Variants in APBB2 observed in about 807,000 individuals in gnomAD.
APBB2 encodes Fe65-like 1.
APBB2 carries 38 observed loss-of-function variants against 82.5 expected under a neutral mutation model. The observed-to-expected ratio is 0.46, with a 90% CI of 0.36 to 0.60. The LOEUF is 0.60. Ranked by LOEUF, APBB2 falls within the 20% of genes least tolerant of loss-of-function variation. The probability of loss-of-function intolerance (pLI) is 0.00; values close to 1 mark genes in which losing one functional copy is unlikely to be tolerated. For missense variants in APBB2, 772 were observed against 972.3 expected (o/e 0.79, Z 2.74); for synonymous variants, 341 against 368.2 (o/e 0.93, Z 0.85).
At chr4:41,030,467 A>C (rs1221474721) in intron 5 of APBB2, among the ~76,000 whole-genome samples, 1 of 152,156 alleles carries the variant, frequency 6.6e-6, no homozygotes, top group Non-Finnish European at 1.5e-5. Flanking sequence ...CACAGTCATC[A>C]TGCACTACAG....
chr4:40,944,275 C>T (rs1257697275), intron 7 of APBB2, among the ~76,000 whole-genome samples: 1 of 152,090 alleles, frequency 6.6e-6, no homozygotes, highest in Non-Finnish European at 1.5e-5. Flanking sequence ...TTTTTAATGC[C>T]TCAATTCTTT....
At chr4:41,005,060 T>C (rs1403303776) in intron 6 of APBB2, among the ~76,000 whole-genome samples, 2 of 152,136 alleles carry the variant, frequency 1.3e-5, no homozygotes, top group African/African-American at 4.8e-5. Flanking sequence ...TATCTGAATA[T>C]TTCTGTAGCC....
rs908993501 is a variant in APBB2 at position 40,832,716 on chromosome 4, CACAGT to C, written c.1530-2144_1530-2140del. Among the ~76,000 whole-genome samples, 1 of 152,220 alleles carries C rather than the reference CACAGT, an allele frequency of 6.6e-6. No homozygotes were observed. Among genetic ancestry groups the C allele is most frequent in the Non-Finnish European group, 1.5e-5 (1 of 68,032 alleles). Reference sequence around the variant, plus strand: ...GAGAGCCTGGAAGGTTCCTCGCACACACAGTACATACACGGGGGCACAGCAAGTGT... The same window carrying C: ...GAGAGCCTGGAAGGTTCCTCGCACACACATACACGGGGGCACAGCAAGTGT... On this transcript the variant is annotated intron_variant, in intron 12 of 17. Transcript: ENST00000508593. The surrounding 1 kb of genome is among the most constrained non-coding windows in gnomAD (Gnocchi z 4.8).
chr4:41,081,748 A>G (rs1737703048), intron 3 of APBB2, among the ~76,000 whole-genome samples: 1 of 152,220 alleles, frequency 6.6e-6, no homozygotes, highest in Admixed American at 6.5e-5. Flanking sequence ...GGGATTATAT[A>G]ATCTTTCAAC....
At chr4:41,153,160 T>C (rs1762684387) in intron 1 of APBB2, among the ~76,000 whole-genome samples, 1 of 152,204 alleles carries the variant, frequency 6.6e-6, no homozygotes, top group African/African-American at 2.4e-5. Context: ...AGGTAACCTA[T>C]CTTTTGTGTT....
At chr4:41,051,104 C>G (rs1725774476) in intron 4 of APBB2, among the ~76,000 whole-genome samples, 1 of 152,174 alleles carries the variant, frequency 6.6e-6, no homozygotes, top group Non-Finnish European at 1.5e-5. Flanking sequence ...AAGCGGAAGT[C>G]AGGAATCAGG....
intron 6 of APBB2, among the ~76,000 whole-genome samples, chr4:40,952,379 C>A (rs1488140517): frequency 6.6e-6 from 1 of 152,052 alleles, no homozygotes; most frequent in Non-Finnish European, 1.5e-5. Context: ...GCTGGTGACG[C>A]CTCTACTGTG....
chr4:41,116,812 T>C (rs996589500), intron 2 of APBB2, among the ~76,000 whole-genome samples: 4 of 152,194 alleles, frequency 2.6e-5, no homozygotes, highest in African/African-American at 9.6e-5. Context: ...AGCTGAAATA[T>C]ATATCTGTCA....
rs1483137531 is a variant in APBB2, at chr4:40,810,653, G to C, written c.*5439C>G. On this transcript the variant is annotated 3_prime_UTR_variant, in exon 18 of 18. Coordinates refer to ENST00000508593, the MANE Select transcript of APBB2 (RefSeq NM_004307.2). ...TTTTTATAGTTGAACCAGGCTTATT[G>C]TATTTTAAATCCCTGAAGAAGAATT... 2 of 149,350 alleles carry C rather than the reference G, an allele frequency of 1.3e-5. No individual in the cohort carries two copies. Among genetic ancestry groups the C allele is most frequent in the Non-Finnish European group, 3.0e-5 (2 of 67,454 alleles). 9.3% of individuals were successfully genotyped at this position (149,350 alleles called of 1,614,324 possible).
intron 13 of APBB2, among the ~76,000 whole-genome samples, 155 bp from the exon 14 acceptor site, chr4:40,827,374 T>C (rs1055357060): frequency 2.6e-5 from 4 of 152,146 alleles, no homozygotes; most frequent in Non-Finnish European, 5.9e-5. Context: ...TGGGGCTACA[T>C]ATTTTGTTGA....
At chr4:41,028,446 C>T (rs1443622430) in intron 5 of APBB2, among the ~76,000 whole-genome samples, 2 of 152,216 alleles carry the variant, frequency 1.3e-5, no homozygotes, top group African/African-American at 2.4e-5. Context: ...TCTGTTTTCT[C>T]TTTTTCTTGA....
At chr4:41,105,578 C>T (rs1239885379) in intron 2 of APBB2, among the ~76,000 whole-genome samples, 1 of 152,142 alleles carries the variant, frequency 6.6e-6, no homozygotes, top group African/African-American at 2.4e-5. Flanking sequence ...TGCGCATATG[C>T]ACCTTTAATA....
intron 2 of APBB2, among the ~76,000 whole-genome samples, chr4:41,113,450 C>T (rs963442232): frequency 6.6e-6 from 1 of 152,044 alleles, no homozygotes; most frequent in Non-Finnish European, 1.5e-5. Flanking sequence ...TAAATTGTCA[C>T]TCATCTAGTC....
intron 6 of APBB2, among the ~76,000 whole-genome samples, chr4:40,968,390 C>T (rs78162234): frequency 0.012 from 1,754 of 152,232 alleles, 36 homozygotes; most frequent in African/African-American, 0.04. Context: ...TCCAGGGCCT[C>T]GCTTGGATTC....
rs1752554436 is a variant in APBB2 at position 40,832,978 on chromosome 4, TGGGCC to T, written c.1530-2406_1530-2402del. ...TCGGGGGTGGGTTGGGGCAAGTCAC[TGGGCC>T]GAGACTTTGAGGGGTGAGCACAGTC... On this transcript the variant is annotated intron_variant, in intron 12 of 17. Coordinates refer to ENST00000508593, the MANE Select transcript of APBB2 (RefSeq NM_004307.2). The surrounding 1 kb of genome is among the most constrained non-coding windows in gnomAD (Gnocchi z 4.8). Among the ~76,000 whole-genome samples, 1 of 152,134 alleles carries T rather than the reference TGGGCC, an allele frequency of 6.6e-6. No homozygotes were observed. The highest frequency in any genetic ancestry group is 6.5e-5 in the Admixed American group (1 of 15,268).
intron 5 of APBB2, among the ~76,000 whole-genome samples, chr4:41,024,709 C>T (rs1480943419): frequency 1.3e-5 from 2 of 152,174 alleles, no homozygotes; most frequent in Non-Finnish European, 2.9e-5. Flanking sequence ...TTACAGATTC[C>T]TGTTTTCCGG....
intron 2 of APBB2, among the ~76,000 whole-genome samples, chr4:41,140,934 C>T (rs1421506848): frequency 1.3e-5 from 2 of 152,082 alleles, no homozygotes; most frequent in Non-Finnish European, 1.5e-5. Context: ...CAATGAGTTG[C>T]AAAATTATTT....
At chr4:40,873,847 T>C (rs1215181415) in intron 12 of APBB2, among the ~76,000 whole-genome samples, 1 of 152,374 alleles carries the variant, frequency 6.6e-6, no homozygotes, top group South Asian at 2.1e-4. Flanking sequence ...ACTCCTGTTT[T>C]AGAATGCATA....
Position 40,942,389 on chromosome 4 carries a change from G to T in APBB2, c.1044+2476C>A, listed in dbSNP as rs374707545. 5.9e-5 allele frequency among the ~76,000 whole-genome samples: 9 copies of T among 152,182 alleles called. 1 individual carries two copies. The highest frequency in any genetic ancestry group is 1.0e-4 in the Non-Finnish European group (7 of 68,040). On this transcript the variant is annotated intron_variant, in intron 7 of 17. Coordinates refer to ENST00000508593, the MANE Select transcript of APBB2 (RefSeq NM_004307.2). ...AGAGGAATGGAACTGATAGAAGGTG[G>T]AGATTCTCAGAGTCCTCGGGCTCTA...
Sources: allele counts gnomAD v4.1 joint callset (sites outside exome capture counted in the v4.1 genomes callset), GRCh38; gene constraint gnomAD v4.1.1; non-coding constraint Gnocchi (gnomAD v3.1); transcripts MANE v1.5; gene names NCBI Gene and HGNC (gene_info 2026-07-23, HGNC 2026-07-21).